LGR5: variants seen among roughly 807,000 people sequenced by gnomAD.
LGR5 encodes leucine-rich repeat-containing G protein-coupled receptor 5.
A neutral mutation model predicts 76.7 loss-of-function variants in LGR5; 54 were observed. The observed-to-expected ratio is 0.70, with a 90% confidence interval of 0.57 to 0.88. LGR5 has a LOEUF of 0.88. Ranked by LOEUF, LGR5 falls within the 40% of genes least tolerant of loss-of-function variation. The probability of loss-of-function intolerance (pLI) is 0.00; values close to 1 mark genes in which losing one functional copy is unlikely to be tolerated. For missense variants in LGR5, 1,078 were observed against 1,073.3 expected (o/e 1.00, Z -0.06); for synonymous variants, 406 against 421.9 (o/e 0.96, Z 0.46).
chr12:71,469,447 A>G (rs1032593495), intron 1 of LGR5, among the ~76,000 whole-genome samples: 11 of 152,166 alleles, frequency 7.2e-5, no homozygotes, highest in African/African-American at 2.7e-4. Context: ...TGTCACTCCA[A>G]TTGCCTGCCT....
At chr12:71,580,551 T>C (rs1427982430) in intron 16 of LGR5, 128 bp downstream of exon 16, 16 of 913,926 alleles carry the variant, frequency 1.8e-5, no homozygotes, top group South Asian at 7.0e-5. Context: ...ATCCCAACAG[T>C]TTGGGAGGCC....
At chr12:71,516,857 T>C (rs1875469073) in intron 2 of LGR5, among the ~76,000 whole-genome samples, 1 of 152,174 alleles carries the variant, frequency 6.6e-6, no homozygotes, top group South Asian at 2.1e-4. Flanking sequence ...ATGAGTCACA[T>C]TTGGAGCAAT....
intron 5 of LGR5, among the ~76,000 whole-genome samples, chr12:71,554,805 A>C (rs541111197): frequency 3.3e-5 from 5 of 152,220 alleles, no homozygotes; most frequent in African/African-American, 9.6e-5. Flanking sequence ...TCTAGATTTC[A>C]TTATTTTAGT....
At position 71,548,321 on chromosome 12, in the gene LGR5, G is replaced by GTA. The variant is rs1555173643; in HGVS notation, c.429-4751_429-4750insAT. Among the ~76,000 whole-genome samples, 648 of 151,260 alleles carry GTA rather than the reference G, an allele frequency of 4.3e-3. 7 individuals carry two copies. The highest frequency in any genetic ancestry group is 0.015 in the African/African-American group (613 of 41,394). On this transcript the variant is annotated intron_variant, in intron 4 of 17. Coordinates refer to ENST00000266674, the MANE Select transcript of LGR5 (RefSeq NM_003667.4). ...TTGCACTGTGTGTGTGTGTGTGTGT[G>GTA]TGTGCGTAGATACATATACACATGC...
intron 2 of LGR5, among the ~76,000 whole-genome samples, chr12:71,507,619 C>T (rs538929719): frequency 7.9e-5 from 12 of 152,068 alleles, no homozygotes; most frequent in African/African-American, 2.2e-4. Context: ...AAATAGTCTT[C>T]GATAATATTT....
intron 6 of LGR5, among the ~76,000 whole-genome samples, chr12:71,558,728 G>T (rs1181871888): frequency 6.6e-6 from 1 of 152,184 alleles, no homozygotes; most frequent in African/African-American, 2.4e-5. Flanking sequence ...ATTGCCTGAC[G>T]AAAAGGTTTT....
At chr12:71,446,849 T>A (rs1295208958) in intron 1 of LGR5, among the ~76,000 whole-genome samples, 4 of 152,228 alleles carry the variant, frequency 2.6e-5, no homozygotes, top group Non-Finnish European at 5.9e-5. Flanking sequence ...TTAGTAGACA[T>A]CTTTTTATAT....
chr12:71,480,992 A>T (rs950984839), intron 1 of LGR5, among the ~76,000 whole-genome samples: 7 of 152,192 alleles, frequency 4.6e-5, no homozygotes, highest in African/African-American at 1.7e-4. Flanking sequence ...AGATAACAAC[A>T]TTTAGGCTCC....
intron 1 of LGR5, among the ~76,000 whole-genome samples, chr12:71,454,484 G>C (rs1460187130): frequency 6.6e-6 from 1 of 152,190 alleles, no homozygotes; most frequent in Non-Finnish European, 1.5e-5. Context: ...TGAAGAGTCA[G>C]AGGATCTCTC....
At chr12:71,555,296 T>G (rs1019644412) in intron 5 of LGR5, among the ~76,000 whole-genome samples, 4 of 152,158 alleles carry the variant, frequency 2.6e-5, no homozygotes, top group African/African-American at 9.7e-5. Flanking sequence ...TTTCTTTTCC[T>G]CCACTAGAGG....
intron 1 of LGR5, among the ~76,000 whole-genome samples, chr12:71,454,209 A>G (rs1158136224): frequency 6.6e-6 from 1 of 152,148 alleles, no homozygotes; most frequent in African/African-American, 2.4e-5. Context: ...CAGGTCTGGA[A>G]AAAACAAGGG....
intron 1 of LGR5, among the ~76,000 whole-genome samples, chr12:71,472,792 A>G (rs1389981853): frequency 6.6e-6 from 1 of 152,232 alleles, no homozygotes; most frequent in African/African-American, 2.4e-5. Flanking sequence ...TACTGGCTAA[A>G]CAAGAGCTTC....
At chr12:71,458,523 C>T (rs1872574726) in intron 1 of LGR5, among the ~76,000 whole-genome samples, 1 of 152,108 alleles carries the variant, frequency 6.6e-6, no homozygotes, top group Non-Finnish European at 1.5e-5. Flanking sequence ...AACATTTTAA[C>T]TCTTCTTTCA....
At chr12:71,581,935 C>T (rs530564073) in intron 16 of LGR5, among the ~76,000 whole-genome samples, 20 of 152,306 alleles carry the variant, frequency 1.3e-4, no homozygotes, top group Non-Finnish European at 2.5e-4. Flanking sequence ...TGTTAGATCA[C>T]AAAACTCCTA....
intron 1 of LGR5, among the ~76,000 whole-genome samples, chr12:71,455,935 T>C (rs1045010178): frequency 1.3e-5 from 2 of 152,196 alleles, no homozygotes; most frequent in Admixed American, 6.5e-5. Flanking sequence ...CTGAGAGATT[T>C]ATGTAATAAA....
intron 1 of LGR5, among the ~76,000 whole-genome samples, chr12:71,493,774 T>TC (rs1874183452): frequency 6.8e-6 from 1 of 147,650 alleles, no homozygotes; most frequent in African/African-American, 2.6e-5. Context: ...AATAAGCTTT[T>TC]TTTTTTTTTT....
At chr12:71,563,111 G>C (rs946209623) in intron 8 of LGR5, among the ~76,000 whole-genome samples, 2 of 152,038 alleles carry the variant, frequency 1.3e-5, no homozygotes. Flanking sequence ...ACTCCCTGAG[G>C]AACTAGCGGC....
At chr12:71,476,006 G>T (rs555767825) in intron 1 of LGR5, among the ~76,000 whole-genome samples, 9 of 152,194 alleles carry the variant, frequency 5.9e-5, no homozygotes, top group Non-Finnish European at 1.3e-4. Context: ...GGATTGACAC[G>T]CAGGGTTCCT....
chr12:71,552,996 G>A, intron 4 of LGR5, 77 bp from the exon 5 acceptor site: 1 of 1,328,986 alleles, frequency 7.5e-7, no homozygotes, highest in East Asian at 2.3e-5. Context: ...ATCATGCATG[G>A]GGAGGGTTTT....
Sources: gnomAD v4.1 joint callset for allele counts (sites outside exome capture counted in the v4.1 genomes callset) on GRCh38, gnomAD v4.1.1 for gene constraint, MANE v1.5 for transcripts, NCBI Gene and HGNC (gene_info 2026-07-23, HGNC 2026-07-21) for gene names.